The following FSTL4 variants were observed in gnomAD, a reference collection of about 807,000 sequenced individuals.
FSTL4 encodes the protein follistatin like 4, also known as follistatin-related protein 4.
Under a neutral mutation model 78.2 loss-of-function variants are expected in FSTL4, and 28 were observed. The observed-to-expected ratio is 0.36, with a 90% CI of 0.27 to 0.49. The LOEUF is 0.49. Ranked by LOEUF, FSTL4 falls within the 20% of genes least tolerant of loss-of-function variation. The probability of loss-of-function intolerance (pLI) is 0.98; values close to 1 mark genes in which losing one functional copy is unlikely to be tolerated. For missense variants in FSTL4, 922 were observed against 1,084.9 expected, an observed-to-expected ratio of 0.85 and a Z score of 2.11; for synonymous variants, 422 against 440.5, an observed-to-expected ratio of 0.96 and a Z score of 0.53.
intron 4 of FSTL4, among the ~76,000 whole-genome samples, chr5:133,343,436 CT>C (rs1275907652): frequency 6.6e-6 from 1 of 152,168 alleles, no homozygotes; most frequent in Non-Finnish European, 1.5e-5. Flanking sequence ...ACCTGAGCAA[CT>C]TGGCAGCTTC....
In FSTL4 at chr5:133,338,920, T is replaced by A. The variant is rs1268360062; in HGVS notation, c.410-22268A>T. ...ACCTCTGCTGTAGTTCAGGAAGCCA[T>A]TAACACCCCCGGATGACCACTATGC... On this transcript the variant is annotated intron_variant, in intron 4 of 15. Transcript: ENST00000265342. This position sits in a 1 kb window ranked among gnomAD's most constrained non-coding sequence, Gnocchi z 4.0. Among the ~76,000 whole-genome samples, 1 of 152,048 alleles carries A rather than the reference T, an allele frequency of 6.6e-6. No individual in the cohort carries two copies. The highest frequency in any genetic ancestry group is 1.9e-4 in the East Asian group (1 of 5,188).
chr5:133,459,989 A>T (rs1265690229), intron 3 of FSTL4, among the ~76,000 whole-genome samples: 2 of 152,200 alleles, frequency 1.3e-5, no homozygotes, highest in Non-Finnish European at 2.9e-5. Flanking sequence ...TTCAGCTACG[A>T]AAGGAAATAT....
At chr5:133,637,505 A>G in the FSTL4 span, among the ~76,000 whole-genome samples, 1 of 152,120 alleles carries the variant, frequency 6.6e-6, no homozygotes, top group Admixed American at 6.5e-5. Context: ...GCAGCCCAGT[A>G]ATGAGTAGAA....
At chr5:133,365,874 G>A (rs1023742735) in intron 4 of FSTL4, among the ~76,000 whole-genome samples, 1 of 152,202 alleles carries the variant, frequency 6.6e-6, no homozygotes, top group Non-Finnish European at 1.5e-5. Context: ...CACCATCTGC[G>A]TCAGCCTCCT....
At chr5:133,465,962 T>C (rs1757698614) in intron 3 of FSTL4, among the ~76,000 whole-genome samples, 1 of 152,156 alleles carries the variant, frequency 6.6e-6, no homozygotes, top group African/African-American at 2.4e-5. Flanking sequence ...TTCCAGTGCT[T>C]ATGGGAGAGA....
the FSTL4 span, among the ~76,000 whole-genome samples, chr5:133,800,978 C>T: frequency 1.3e-5 from 2 of 152,088 alleles, no homozygotes; most frequent in East Asian, 1.9e-4. Context: ...TCATCCATCA[C>T]GCTGCCACGA....
At chr5:133,579,972 G>A (rs368120) in intron 2 of FSTL4, among the ~76,000 whole-genome samples, 1 of 152,126 alleles carries the variant, frequency 6.6e-6, no homozygotes, top group Non-Finnish European at 1.5e-5. Flanking sequence ...CTGGGAGCAG[G>A]ACTGGGTGCA....
chr5:133,369,192 T>C (rs1038481548), intron 4 of FSTL4, among the ~76,000 whole-genome samples: 16 of 152,188 alleles, frequency 1.1e-4, no homozygotes, highest in Non-Finnish European at 2.1e-4. Flanking sequence ...AATGTTAATC[T>C]CTGTATCTTC....
chr5:133,240,170 C>T (rs1405696478), intron 7 of FSTL4, among the ~76,000 whole-genome samples: 2 of 152,252 alleles, frequency 1.3e-5, no homozygotes, highest in African/African-American at 2.4e-5. Flanking sequence ...GAAGAAACTC[C>T]AAACGCATCC....
At chr5:133,348,259 A>T (rs1754743136) in intron 4 of FSTL4, among the ~76,000 whole-genome samples, 1 of 152,260 alleles carries the variant, frequency 6.6e-6, no homozygotes, top group Non-Finnish European at 1.5e-5. Flanking sequence ...CTGAAGCTGC[A>T]AAATCTTAGC....
chr5:133,711,344 C>T, the FSTL4 span, among the ~76,000 whole-genome samples: 1 of 152,144 alleles, frequency 6.6e-6, no homozygotes, highest in East Asian at 1.9e-4. Context: ...GCAAGAACAG[C>T]CTGACTCAGG....
intron 2 of FSTL4, chr5:133,583,138 G>A (rs904866933): frequency 2.8e-5 from 11 of 397,002 alleles, no homozygotes; most frequent in Admixed American, 8.4e-5. Flanking sequence ...TGTCTCCAGC[G>A]GCCAGTGGAA....
chr5:133,705,649 G>A, the FSTL4 span, among the ~76,000 whole-genome samples: 1 of 152,170 alleles, frequency 6.6e-6, no homozygotes. Flanking sequence ...GGACAACCCA[G>A]CAGCCTAGGG....
chr5:133,548,146 T>C (rs764608305), intron 3 of FSTL4, among the ~76,000 whole-genome samples: 1 of 152,174 alleles, frequency 6.6e-6, no homozygotes, highest in Non-Finnish European at 1.5e-5. Flanking sequence ...TACAATAAAA[T>C]GGTAGTCAAA....
At chr5:133,825,651 T>C in the FSTL4 span, among the ~76,000 whole-genome samples, 4,059 of 152,320 alleles carry the variant, frequency 0.027, 193 homozygotes, top group African/African-American at 0.091. Flanking sequence ...GGGAGGGGCA[T>C]GGCCCTCACC....
intron 3 of FSTL4, among the ~76,000 whole-genome samples, chr5:133,428,208 G>A (rs897389236): frequency 6.6e-6 from 1 of 152,240 alleles, no homozygotes; most frequent in Non-Finnish European, 1.5e-5. Flanking sequence ...CAGCCAATGT[G>A]TGGAACTGGC....
At chr5:133,464,456 A>ATC (rs771270756) in intron 3 of FSTL4, among the ~76,000 whole-genome samples, 39 of 152,242 alleles carry the variant, frequency 2.6e-4, no homozygotes, top group Non-Finnish European at 4.1e-4. Flanking sequence ...TTCAAGGGAT[A>ATC]TCTCTCTCTC....
At chr5:133,659,876 G>A in the FSTL4 span, among the ~76,000 whole-genome samples, 1 of 151,876 alleles carries the variant, frequency 6.6e-6, no homozygotes, top group Non-Finnish European at 1.5e-5. Flanking sequence ...CAGAGAAATA[G>A]ACAAAAACAA....
the FSTL4 span, among the ~76,000 whole-genome samples, chr5:133,750,896 C>T: frequency 1.3e-5 from 2 of 152,130 alleles, no homozygotes; most frequent in Non-Finnish European, 2.9e-5. Flanking sequence ...CAGAAGTCTA[C>T]AGCCCTGAGA....
Sources: gnomAD v4.1 joint callset for allele counts (sites outside exome capture counted in the v4.1 genomes callset) on GRCh38, gnomAD v4.1.1 for gene constraint, Gnocchi (gnomAD v3.1) non-coding constraint, MANE v1.5 for transcripts, NCBI Gene and HGNC (gene_info 2026-07-23, HGNC 2026-07-21) for gene names.